The following TENT4B variants were observed in gnomAD, a reference collection of about 807,000 sequenced individuals.
TENT4B encodes the protein terminal nucleotidyltransferase 4B.
A neutral mutation model predicts 75.0 loss-of-function variants in TENT4B; 10 were observed. The observed-to-expected ratio is 0.13, with a 90% CI of 0.08 to 0.23. The LOEUF (loss-of-function observed/expected upper bound fraction) is 0.23, where lower values mean the gene tolerates loss of function less well. Among genes scored for constraint, TENT4B ranks in the 10% least tolerant of loss-of-function variants. The probability of loss-of-function intolerance (pLI) is 1.00; values close to 1 mark genes in which losing one functional copy is unlikely to be tolerated. For missense variants in TENT4B, 579 were observed against 893.8 expected (o/e 0.65, Z 4.49); for synonymous variants, 350 against 357.7 (o/e 0.98, Z 0.24).
chr16:50,171,302 G>A (rs1368807156), intron 1 of TENT4B, among the ~76,000 whole-genome samples: 1 of 152,164 alleles, frequency 6.6e-6, no homozygotes, highest in African/African-American at 2.4e-5. Context: ...TTGGGAGGCT[G>A]AAGTGCAAGG....
chr16:50,156,339 A>G (rs11076518), intron 1 of TENT4B, among the ~76,000 whole-genome samples: 100,688 of 146,080 alleles, frequency 0.69, 35,472 homozygotes, highest in South Asian at 0.78. Context: ...TGATTCATGT[A>G]TTCTGATTTT....
At chr16:50,216,852 C>T (rs117450575) in intron 4 of TENT4B, among the ~76,000 whole-genome samples, 1 of 152,162 alleles carries the variant, frequency 6.6e-6, no homozygotes, top group Non-Finnish European at 1.5e-5. Flanking sequence ...GAGATAGGGT[C>T]TCCCTGTGTT....
intron 1 of TENT4B, among the ~76,000 whole-genome samples, chr16:50,184,395 G>A (rs773243481): frequency 2.0e-5 from 3 of 152,144 alleles, no homozygotes; most frequent in African/African-American, 7.2e-5. Context: ...CCGGCCGGGC[G>A]CGGTGGCTCA....
Position 50,231,750 on chromosome 16 carries a change from G to A in TENT4B, c.*2422G>A, listed in dbSNP as rs994776141. On this transcript the variant is annotated 3_prime_UTR_variant, in exon 12 of 12. Coordinates refer to ENST00000561678, the MANE Select transcript of TENT4B (RefSeq NM_001365324.3). ...TCCTCAAATGACCAGCATTGTATTC[G>A]TGAATACTGTGTATCTTGCAGTGAA... The A allele has an allele frequency of 2.0e-6, 2 of 985,652 alleles. No homozygotes were observed. Among genetic ancestry groups the A allele is most frequent in the Non-Finnish European group, 2.4e-6 (2 of 829,878 alleles). 61.1% of individuals were successfully genotyped at this position (985,652 alleles called of 1,614,324 possible). A position where few individuals can be genotyped will look rare whatever the true frequency, so the allele number is the denominator to read the frequency against.
At chr16:50,188,088 AAAT>A (rs1207320528) in intron 1 of TENT4B, among the ~76,000 whole-genome samples, 2 of 152,216 alleles carry the variant, frequency 1.3e-5, no homozygotes, top group East Asian at 1.9e-4. Context: ...TATAAAAAGA[AAAT>A]AAGTTTACAA....
intron 1 of TENT4B, among the ~76,000 whole-genome samples, chr16:50,197,140 G>A (rs1465815373): frequency 1.3e-5 from 2 of 151,546 alleles, no homozygotes; most frequent in East Asian, 3.9e-4. Context: ...AAAAAACAGA[G>A]TACAACAACC....
chr16:50,213,102 C>G (rs1380069783), intron 2 of TENT4B, among the ~76,000 whole-genome samples: 1 of 151,924 alleles, frequency 6.6e-6, no homozygotes, highest in African/African-American at 2.4e-5. Flanking sequence ...CTCTGTCGCC[C>G]AGGCTGGAGT....
rs770195526 is a variant in TENT4B, at chr16:50,214,304, T to TA, written c.809+38dup. 4 of 1,479,432 alleles carry TA rather than the reference T, an allele frequency of 2.7e-6. No homozygotes were observed. In the South Asian group the frequency reaches 4.8e-5, roughly 18 times the overall value. The allele number at this position is 1,479,432 out of a possible 1,614,324, so 91.6% of individuals were successfully genotyped here. ...CATGAATCTTTCAAAGGACTTTTCT[T>TA]AGAGTGTATTCATTTTGGCTGTCAA... is the stretch of plus-strand genomic sequence containing the variant. On this transcript the variant is annotated intron_variant, in intron 3 of 11. Transcript: ENST00000561678.
At chr16:50,223,100 A>G (rs1005877477) in intron 6 of TENT4B, 74 bp from the exon 7 acceptor site, 1 of 1,208,684 alleles carries the variant, frequency 8.3e-7, no homozygotes, top group Non-Finnish European at 1.2e-6. Context: ...TGTAGAAGTT[A>G]GAATATAATT....
rs1421965231 is a variant in TENT4B at position 50,229,499 on chromosome 16, A to G, written c.*171A>G. 8.0e-7 allele frequency: 1 copy of G among 1,246,962 alleles called. No homozygotes were observed. The highest frequency in any genetic ancestry group is 3.7e-5 in the South Asian group (1 of 26,992). The allele number at this position is 1,246,962 out of a possible 1,614,324, so 77.2% of individuals were successfully genotyped here. A position where few individuals can be genotyped will look rare whatever the true frequency, so the allele number is the denominator to read the frequency against. ...TGGATCATGAAGACTGACAACTGCA[A>G]AAAAAACAAAACAAAACAAAAAAAA... On this transcript the variant is annotated 3_prime_UTR_variant, in exon 12 of 12. Coordinates refer to ENST00000561678, the MANE Select transcript of TENT4B (RefSeq NM_001365324.3).
chr16:50,182,157 C>G, intron 1 of TENT4B, among the ~76,000 whole-genome samples: 1 of 152,112 alleles, frequency 6.6e-6, no homozygotes, highest in East Asian at 1.9e-4. Context: ...GTCCCAGCTA[C>G]TCAGTAGGCT....
intron 2 of TENT4B, among the ~76,000 whole-genome samples, chr16:50,213,190 G>T (rs1035575161): frequency 2.0e-5 from 3 of 152,046 alleles, no homozygotes; most frequent in African/African-American, 7.2e-5. Context: ...CTCCCAAGTA[G>T]CTGGGGTTCA....
At chr16:50,198,893 AATCAAAGTCTT>A (rs1248564286) in intron 1 of TENT4B, among the ~76,000 whole-genome samples, 1 of 152,234 alleles carries the variant, frequency 6.6e-6, no homozygotes, top group African/African-American at 2.4e-5. Context: ...GAGTATATAT[AATCAAAGTCTT>A]TGTGTGTGAA....
intron 1 of TENT4B, among the ~76,000 whole-genome samples, chr16:50,157,938 G>GT (rs545414284): frequency 1.3e-5 from 2 of 151,054 alleles, no homozygotes; most frequent in African/African-American, 2.4e-5. Flanking sequence ...GCTCATTTTG[G>GT]TTTTTTTTGT....
chr16:50,212,889 C>CG (rs746250881), intron 2 of TENT4B, among the ~76,000 whole-genome samples: 21 of 152,212 alleles, frequency 1.4e-4, no homozygotes, highest in East Asian at 9.7e-4. Context: ...GTTGAGAAGC[C>CG]GTGATCTAAC....
chr16:50,170,691 G>T (rs923479533), intron 1 of TENT4B, among the ~76,000 whole-genome samples: 2 of 151,666 alleles, frequency 1.3e-5, no homozygotes, highest in Non-Finnish European at 2.9e-5. Flanking sequence ...CTTTGAGATG[G>T]AGTCTCACCC....
At chr16:50,189,048 T>A (rs2038589925) in intron 1 of TENT4B, among the ~76,000 whole-genome samples, 1 of 152,046 alleles carries the variant, frequency 6.6e-6, no homozygotes, top group African/African-American at 2.4e-5. Context: ...ATTTCTTAGT[T>A]TTAGCTGGTG....
chr16:50,204,440 G>T (rs2030833014), intron 1 of TENT4B, among the ~76,000 whole-genome samples: 2 of 152,180 alleles, frequency 1.3e-5, no homozygotes, highest in African/African-American at 2.4e-5. Context: ...ACAGGAGTAG[G>T]AATAGGTTTA....
Position 50,225,086 on chromosome 16 carries a change from C to G in TENT4B, c.1613-12C>G, listed in dbSNP as rs758687502. 4 of 1,608,822 alleles carry G rather than the reference C, an allele frequency of 2.5e-6. No individual in the cohort carries two copies. The highest frequency in any genetic ancestry group is 3.4e-6 in the Non-Finnish European group (4 of 1,176,650). On this transcript the variant is annotated splice_polypyrimidine_tract_variant and intron_variant, in intron 9 of 11. Coordinates refer to ENST00000561678, the MANE Select transcript of TENT4B (RefSeq NM_001365324.3). ...GGAAGAAACGTTTTCCAATCTTTTG[C>G]CACTCTTTCAGGAAATGGTGTTACC...
Sources: gnomAD v4.1 joint callset for allele counts (sites outside exome capture counted in the v4.1 genomes callset) on GRCh38, gnomAD v4.1.1 for gene constraint, MANE v1.5 for transcripts, NCBI Gene and HGNC (gene_info 2026-07-23, HGNC 2026-07-21) for gene names.